The following PPARGC1A variants were observed in gnomAD, a reference collection of about 807,000 sequenced individuals.
PPARGC1A encodes the protein PPARG coactivator 1 alpha, also known as peroxisome proliferator-activated receptor gamma coactivator 1-alpha.
A neutral mutation model predicts 88.7 loss-of-function variants in PPARGC1A; 25 were observed. That is an observed-to-expected ratio of 0.28 (90% CI 0.21 to 0.39). The LOEUF is 0.39. PPARGC1A is among the 10% of genes least tolerant of loss of function. The pLI, the probability that PPARGC1A is intolerant of heterozygous loss-of-function variation, is 1.00. For missense variants in PPARGC1A, 880 were observed against 968.7 expected (o/e 0.91, Z 1.22); for synonymous variants, 363 against 355.6 (o/e 1.02, Z -0.24).
chr4:24,211,292 A>G, the PPARGC1A span, among the ~76,000 whole-genome samples: 1 of 152,218 alleles, frequency 6.6e-6, no homozygotes, highest in African/African-American at 2.4e-5. Context: ...TAAGTTACAA[A>G]GACAGTTCTG....
chr4:24,043,517 C>A, the PPARGC1A span, among the ~76,000 whole-genome samples: 20 of 152,140 alleles, frequency 1.3e-4, no homozygotes, highest in African/African-American at 4.8e-4. Flanking sequence ...TTATAAACAC[C>A]CCTTTTCTCA....
At chr4:24,257,679 C>T in the PPARGC1A span, among the ~76,000 whole-genome samples, 8 of 152,158 alleles carry the variant, frequency 5.3e-5, no homozygotes, top group Non-Finnish European at 1.0e-4. Flanking sequence ...TTGGCCTCCT[C>T]CCCCTGCCCC....
chr4:24,244,631 T>C, the PPARGC1A span, among the ~76,000 whole-genome samples: 2 of 152,138 alleles, frequency 1.3e-5, no homozygotes, highest in Non-Finnish European at 2.9e-5. Context: ...GCTGTCACAC[T>C]AAATCAACCA....
the PPARGC1A span, among the ~76,000 whole-genome samples, chr4:24,223,208 T>C: frequency 6.6e-6 from 1 of 151,804 alleles, no homozygotes; most frequent in African/African-American, 2.4e-5. Flanking sequence ...ATATACATAT[T>C]ATAAATTGCT....
At chr4:24,361,389 C>G in the PPARGC1A span, among the ~76,000 whole-genome samples, 1 of 152,194 alleles carries the variant, frequency 6.6e-6, no homozygotes, top group East Asian at 1.9e-4. Flanking sequence ...ATATAGTCAA[C>G]AAGACCTGAA....
the PPARGC1A span, among the ~76,000 whole-genome samples, chr4:23,969,996 G>A: frequency 1.3e-5 from 2 of 152,134 alleles, no homozygotes; most frequent in South Asian, 2.1e-4. Context: ...AAGCAAAAGA[G>A]ACAGCAAGAT....
At chr4:24,146,862 T>A in the PPARGC1A span, among the ~76,000 whole-genome samples, 1 of 152,204 alleles carries the variant, frequency 6.6e-6, no homozygotes, top group African/African-American at 2.4e-5. Flanking sequence ...TCCTTGTTAT[T>A]CTTTTCCACA....
At chr4:24,205,973 G>T in the PPARGC1A span, among the ~76,000 whole-genome samples, 1 of 152,284 alleles carries the variant, frequency 6.6e-6, no homozygotes, top group Admixed American at 6.5e-5. Context: ...AGCTCTAAAA[G>T]GCAAGGCAAA....
the PPARGC1A span, among the ~76,000 whole-genome samples, chr4:24,021,589 T>C: frequency 1.3e-5 from 2 of 152,158 alleles, no homozygotes; most frequent in East Asian, 1.9e-4. Flanking sequence ...TAGGAGTAAG[T>C]ATAACATGTA....
the PPARGC1A span, among the ~76,000 whole-genome samples, chr4:24,367,787 C>T: frequency 6.6e-6 from 1 of 152,062 alleles, no homozygotes; most frequent in Non-Finnish European, 1.5e-5. Flanking sequence ...GGCAAACCTG[C>T]CCATTTTCAA....
At chr4:23,868,298 C>T (rs1712491994) in intron 2 of PPARGC1A, among the ~76,000 whole-genome samples, 1 of 151,952 alleles carries the variant, frequency 6.6e-6, no homozygotes, top group African/African-American at 2.4e-5. Context: ...TTCACAGACA[C>T]TCTGGCAGAC....
At chr4:23,891,746 T>C (rs2970869), upstream of PPARGC1A, among the ~76,000 whole-genome samples, 119,945 of 152,128 alleles carry the variant, frequency 0.79, 48,244 homozygotes, top group African/African-American at 0.93. Context: ...TTCCCTTTTA[T>C]AAACAGCAGA....
At chr4:24,471,212 C>T in the PPARGC1A span, among the ~76,000 whole-genome samples, 1 of 151,948 alleles carries the variant, frequency 6.6e-6, no homozygotes, top group Non-Finnish European at 1.5e-5. The surrounding 1 kb of genome is among the most constrained non-coding windows in gnomAD (Gnocchi z 5.4). Flanking sequence ...CCGGGAATCC[C>T]CGGCGCCCTG....
At chr4:24,326,001 C>A in the PPARGC1A span, among the ~76,000 whole-genome samples, 1 of 151,908 alleles carries the variant, frequency 6.6e-6, no homozygotes, top group Non-Finnish European at 1.5e-5. Context: ...ATCTGCTTAC[C>A]TGACTATTCC....
chr4:24,336,181 G>A, the PPARGC1A span, among the ~76,000 whole-genome samples: 1 of 152,230 alleles, frequency 6.6e-6, no homozygotes, highest in South Asian at 2.1e-4. Context: ...TTTTGTGTCT[G>A]GTTCCAAGAG....
the PPARGC1A span, among the ~76,000 whole-genome samples, chr4:24,128,546 G>GTGTGTGTC: frequency 2.4e-4 from 34 of 142,448 alleles, no homozygotes; most frequent in African/African-American, 9.0e-4. Flanking sequence ...GTGTGTGTGT[G>GTGTGTGTC]TGTGTGTGTG....
At chr4:24,416,638 C>T in the PPARGC1A span, among the ~76,000 whole-genome samples, 5 of 152,022 alleles carry the variant, frequency 3.3e-5, no homozygotes, top group African/African-American at 1.2e-4. Flanking sequence ...ATCTAACTGT[C>T]GATAGGAAGC....
intron 7 of PPARGC1A, among the ~76,000 whole-genome samples, chr4:23,820,901 C>T (rs1349541980): frequency 6.6e-6 from 1 of 152,092 alleles, no homozygotes; most frequent in East Asian, 1.9e-4. Context: ...AAGGCCTGAG[C>T]CAAAGCTTGG....
chr4:24,394,603 T>C, the PPARGC1A span, among the ~76,000 whole-genome samples: 1 of 152,190 alleles, frequency 6.6e-6, no homozygotes, highest in Non-Finnish European at 1.5e-5. Context: ...GGAGAAGGGA[T>C]GGAGAATAGG....
Sources: allele counts gnomAD v4.1 joint callset (sites outside exome capture counted in the v4.1 genomes callset), GRCh38; gene constraint gnomAD v4.1.1; non-coding constraint Gnocchi (gnomAD v3.1); transcripts MANE v1.5; gene names NCBI Gene and HGNC (gene_info 2026-07-23, HGNC 2026-07-21).